The following SHOC1 variants were observed in gnomAD, a reference collection of about 807,000 sequenced individuals.
The protein encoded by SHOC1 is protein shortage in chiasmata 1 ortholog.
SHOC1 carries 136 observed loss-of-function variants against 179.2 expected under a neutral mutation model. The observed-to-expected ratio is 0.76, with a 90% CI of 0.66 to 0.87. The LOEUF is 0.87. Ranked by LOEUF, SHOC1 falls within the 40% of genes least tolerant of loss-of-function variation. SHOC1 has a pLI of 0.00. For synonymous variants in SHOC1, 489 were observed against 586.6 expected, an observed-to-expected ratio of 0.83 and a Z score of 2.41; for missense variants, 1,538 against 1,700.8, an observed-to-expected ratio of 0.90 and a Z score of 1.68.
chr9:111,752,237 G>A (rs1472939260), intron 8 of SHOC1, among the ~76,000 whole-genome samples: 1 of 152,146 alleles, frequency 6.6e-6, no homozygotes, highest in East Asian at 1.9e-4. Flanking sequence ...GATAAAGGAA[G>A]AAATCCAGGA....
chr9:111,703,175 T>G (rs1346388568), intron 22 of SHOC1, among the ~76,000 whole-genome samples: 1 of 152,170 alleles, frequency 6.6e-6, no homozygotes, highest in Non-Finnish European at 1.5e-5. Context: ...ACTTTAAATA[T>G]ACAAGACACA....
intron 8 of SHOC1, among the ~76,000 whole-genome samples, chr9:111,751,366 G>C (rs1297930629): frequency 6.6e-6 from 1 of 152,038 alleles, no homozygotes; most frequent in Non-Finnish European, 1.5e-5. Context: ...CCTGTTGTTG[G>C]TGTATAGGAA....
chr9:111,716,131 C>G (rs1832775491), intron 16 of SHOC1, among the ~76,000 whole-genome samples: 2 of 152,110 alleles, frequency 1.3e-5, no homozygotes, highest in Admixed American at 1.3e-4. Flanking sequence ...ATTCGTATGG[C>G]TGGATACCTG....
In SHOC1 at chr9:111,788,757, A is replaced by G. The variant is rs1276175591; in HGVS notation, c.45+2617T>C. Among the ~76,000 whole-genome samples, 3 of 152,206 alleles carry G rather than the reference A, an allele frequency of 2.0e-5. No individual in the cohort carries two copies. The East Asian group carries it at 5.8e-4, about 29-fold the overall frequency. ...TGTTACAACCAGCAAATTCATTTCTAATTTTTAAAAATATATCTAATAAAG... is the reference window on the plus strand; with the variant it reads ...TGTTACAACCAGCAAATTCATTTCTGATTTTTAAAAATATATCTAATAAAG... On this transcript the variant is annotated intron_variant, in intron 2 of 27. Transcript: ENST00000682961.
intron 27 of SHOC1, among the ~76,000 whole-genome samples, chr9:111,689,136 A>C (rs1311551449): frequency 6.6e-6 from 1 of 152,054 alleles, no homozygotes; most frequent in East Asian, 1.9e-4. Context: ...CTGTAATCCC[A>C]GCACTTTGGA....
At chr9:111,705,541 C>T (rs1365581163) in intron 20 of SHOC1, among the ~76,000 whole-genome samples, 177 bp from the exon 21 acceptor site, 4 of 151,562 alleles carry the variant, frequency 2.6e-5, no homozygotes, top group Admixed American at 2.0e-4. Context: ...CCATGTTATC[C>T]TACCGAGAAA....
At position 111,713,617 on chromosome 9, in the gene SHOC1, A is replaced by G. The variant is rs181110377; in HGVS notation, c.2416-445T>C. ...ATTAAATTATTTTAATGACTTAAGA[A>G]AGTTATTACCCAAGAGACTATAAAG... On this transcript the variant is annotated intron_variant, in intron 17 of 27. Coordinates refer to ENST00000682961, the MANE Select transcript of SHOC1 (RefSeq NM_001378211.1). Among the ~76,000 whole-genome samples the G allele has an allele frequency of 2.4e-3, 366 of 152,356 alleles. 1 individual carries two copies. Among genetic ancestry groups the G allele is most frequent in the African/African-American group, 8.0e-3 (331 of 41,588 alleles).
chr9:111,791,531 G>T, intron 1 of SHOC1, 77 bp from the exon 2 acceptor site: 2 of 539,550 alleles, frequency 3.7e-6, no homozygotes, highest in Non-Finnish European at 3.0e-6. Context: ...ACAAAACTTT[G>T]GTTTACTCAT....
intron 15 of SHOC1, among the ~76,000 whole-genome samples, chr9:111,721,399 G>A (rs1328687665): frequency 1.3e-5 from 2 of 152,170 alleles, no homozygotes; most frequent in Non-Finnish European, 2.9e-5. Context: ...GAATGCAGTG[G>A]TGTGATCTCA....
At chr9:111,722,690 A>G in intron 14 of SHOC1, 105 bp from the exon 15 acceptor site, 1 of 859,802 alleles carries the variant, frequency 1.2e-6, no homozygotes, top group Non-Finnish European at 1.7e-6. Flanking sequence ...TTCTATCTGA[A>G]TTATTTTCTG....
At chr9:111,720,858 C>G (rs1471693848) in intron 15 of SHOC1, among the ~76,000 whole-genome samples, 1 of 152,208 alleles carries the variant, frequency 6.6e-6, no homozygotes, top group Non-Finnish European at 1.5e-5. Flanking sequence ...TAAGAAGTGT[C>G]AGCGTCCTTT....
At chr9:111,733,223 C>T (rs1833667528) in intron 12 of SHOC1, among the ~76,000 whole-genome samples, 1 of 152,146 alleles carries the variant, frequency 6.6e-6, no homozygotes, top group Admixed American at 6.5e-5. Context: ...ATGGCTATGG[C>T]TTAAATCACA....
intron 12 of SHOC1, among the ~76,000 whole-genome samples, chr9:111,737,438 G>A (rs1042965734): frequency 5.9e-5 from 9 of 152,048 alleles, no homozygotes; most frequent in East Asian, 1.9e-4. Context: ...AGGCTGAGGC[G>A]GGCAGATCAC....
chr9:111,720,953 T>C (rs1833014923), intron 15 of SHOC1, among the ~76,000 whole-genome samples: 1 of 152,236 alleles, frequency 6.6e-6, no homozygotes. Flanking sequence ...TGCCTCTTTG[T>C]ATACTTCATG....
chr9:111,712,180 GAGGCCAGTGAAACTATA>G (rs1832582028), intron 18 of SHOC1, among the ~76,000 whole-genome samples: 2 of 152,144 alleles, frequency 1.3e-5, no homozygotes, highest in Admixed American at 6.5e-5. Flanking sequence ...TTTTGTTGTG[GAGGCCAGTGAAACTATA>G]AGGCCAGGGT....
chr9:111,786,063 C>T (rs1256235823), intron 2 of SHOC1, 28 bp from the exon 3 acceptor site: 3 of 1,410,640 alleles, frequency 2.1e-6, no homozygotes, highest in Non-Finnish European at 2.8e-6. Context: ...ATTAGAAAAT[C>T]TTTTAACATG....
At chr9:111,732,013 T>C (rs979763668) in intron 12 of SHOC1, among the ~76,000 whole-genome samples, 8 of 152,062 alleles carry the variant, frequency 5.3e-5, no homozygotes, top group Non-Finnish European at 1.0e-4. Flanking sequence ...AAAAAAATTA[T>C]ATACAAATGG....
intron 16 of SHOC1, among the ~76,000 whole-genome samples, chr9:111,717,467 C>T (rs1832843381): frequency 6.6e-6 from 1 of 151,994 alleles, no homozygotes; most frequent in South Asian, 2.1e-4. Flanking sequence ...GTGGCGGGCG[C>T]CTGTAATTCC....
Position 111,758,111 on chromosome 9 carries a change from T to C in SHOC1, c.681A>G (p.Lys227=). ...CMDKVNFCQE[K]LEDTICLNEP... The stretch of plus-strand genomic sequence containing the variant: ...CATTTAAACATATTGTATCTTCTAG[T>C]TTCTCTTGACAAAAGTTCACTTTAT... Residue 227 remains lysine (K), a synonymous_variant, in exon 7 of 28, where the codon AAA becomes AAG. Coordinates refer to ENST00000682961, the MANE Select transcript of SHOC1 (RefSeq NM_001378211.1). 6.4e-7 allele frequency: 1 copy of C among 1,565,758 alleles called. No homozygotes were observed. Among genetic ancestry groups the C allele is most frequent in the Non-Finnish European group, 8.7e-7 (1 of 1,147,796 alleles).
Sources: allele counts gnomAD v4.1 joint callset (sites outside exome capture counted in the v4.1 genomes callset), GRCh38; gene constraint gnomAD v4.1.1; transcripts MANE v1.5; gene names NCBI Gene and HGNC (gene_info 2026-07-23, HGNC 2026-07-21).